The following UNC5D variants were observed in gnomAD, a reference collection of about 807,000 sequenced individuals.
UNC5D encodes netrin receptor UNC5D.
A neutral mutation model predicts 105.4 loss-of-function variants in UNC5D; 39 were observed. That is an observed-to-expected ratio of 0.37 (90% CI 0.29 to 0.48). UNC5D has a LOEUF of 0.48. UNC5D is among the 20% of genes least tolerant of loss of function. UNC5D has a pLI of 0.98. For missense variants in UNC5D, 991 were observed against 1,202.4 expected, an observed-to-expected ratio of 0.82 and a Z score of 2.60; for synonymous variants, 452 against 450.4, an observed-to-expected ratio of 1.00 and a Z score of -0.04.
At chr8:35,783,052 A>G (rs1802577680) in intron 16 of UNC5D, among the ~76,000 whole-genome samples, 1 of 151,948 alleles carries the variant, frequency 6.6e-6, no homozygotes, top group Admixed American at 6.6e-5. Flanking sequence ...CTGAGATGGG[A>G]GGATCACTTG....
chr8:35,330,437 C>T (rs1475054908), intron 1 of UNC5D, among the ~76,000 whole-genome samples: 1 of 152,160 alleles, frequency 6.6e-6, no homozygotes, highest in Non-Finnish European at 1.5e-5. Context: ...CTCTTTTAAT[C>T]ACTGGCTAAT....
intron 1 of UNC5D, among the ~76,000 whole-genome samples, chr8:35,402,116 C>A (rs1804507221): frequency 6.6e-6 from 1 of 152,142 alleles, no homozygotes; most frequent in African/African-American, 2.4e-5. Context: ...GGAGTTTGGT[C>A]TTTTCATGCT....
At chr8:35,341,947 A>G (rs561985770) in intron 1 of UNC5D, among the ~76,000 whole-genome samples, 1 of 152,296 alleles carries the variant, frequency 6.6e-6, no homozygotes, top group African/African-American at 2.4e-5. Context: ...ACAGTAGTCT[A>G]AATGGCATGC....
intron 4 of UNC5D, among the ~76,000 whole-genome samples, chr8:35,661,564 C>T (rs766059369): frequency 4.6e-5 from 7 of 152,222 alleles, no homozygotes; most frequent in Admixed American, 1.3e-4. Context: ...GACTTAATGC[C>T]GGTTTCCTTA....
intron 1 of UNC5D, among the ~76,000 whole-genome samples, chr8:35,524,710 G>C (rs1234385512): frequency 6.6e-6 from 1 of 150,494 alleles, no homozygotes; most frequent in Non-Finnish European, 1.5e-5. Flanking sequence ...AAAGTGAGAC[G>C]TTTGCTGCTC....
At chr8:35,706,075 C>T (rs537969430) in intron 8 of UNC5D, 114 bp downstream of exon 8, 31 of 638,220 alleles carry the variant, frequency 4.9e-5, no homozygotes, top group African/African-American at 2.9e-4. Flanking sequence ...CCAGGGCTTT[C>T]GAGGCCTCTC....
chr8:35,606,532 A>G (rs189441447), intron 4 of UNC5D, among the ~76,000 whole-genome samples: 1 of 152,240 alleles, frequency 6.6e-6, no homozygotes, highest in East Asian at 1.9e-4. Flanking sequence ...TCAGGTGATA[A>G]ACATAGTACC....
At chr8:35,504,898 T>C (rs941061280) in intron 1 of UNC5D, among the ~76,000 whole-genome samples, 7 of 152,192 alleles carry the variant, frequency 4.6e-5, no homozygotes, top group Non-Finnish European at 1.0e-4. Flanking sequence ...AAGTTTCCTC[T>C]GCAGATGAAG....
chr8:35,599,739 G>A (rs1297971684), intron 4 of UNC5D, among the ~76,000 whole-genome samples: 1 of 151,932 alleles, frequency 6.6e-6, no homozygotes, highest in Non-Finnish European at 1.5e-5. Flanking sequence ...TTCCATATAT[G>A]CAAATATAAA....
chr8:35,253,767 G>A (rs1040028680), intron 1 of UNC5D, among the ~76,000 whole-genome samples: 8 of 152,056 alleles, frequency 5.3e-5, no homozygotes, highest in African/African-American at 1.9e-4. Context: ...GGGATTATAG[G>A]TGTGAGCCAC....
intron 1 of UNC5D, among the ~76,000 whole-genome samples, chr8:35,478,643 C>T (rs1810272452): frequency 6.6e-6 from 1 of 152,112 alleles, no homozygotes; most frequent in Admixed American, 6.6e-5. Context: ...GAGAAATCAG[C>T]ATTGAGTCCT....
chr8:35,494,756 TA>T, intron 1 of UNC5D, among the ~76,000 whole-genome samples: 1 of 152,220 alleles, frequency 6.6e-6, no homozygotes, highest in Admixed American at 6.5e-5. Flanking sequence ...CATGAAAATA[TA>T]TTCGTTATAT....
chr8:35,290,723 C>A (rs948570437), intron 1 of UNC5D, among the ~76,000 whole-genome samples: 1 of 151,886 alleles, frequency 6.6e-6, no homozygotes, highest in Admixed American at 6.6e-5. Flanking sequence ...CCAAGGCGGG[C>A]GGATCACCTG....
intron 16 of UNC5D, among the ~76,000 whole-genome samples, chr8:35,780,111 TG>T (rs1802436012): frequency 6.6e-6 from 1 of 152,136 alleles, no homozygotes; most frequent in Non-Finnish European, 1.5e-5. Context: ...AGCAGATAAA[TG>T]ATGTCTTATT....
chr8:35,718,590 C>A (rs1326783260), intron 8 of UNC5D, among the ~76,000 whole-genome samples: 1 of 152,108 alleles, frequency 6.6e-6, no homozygotes, highest in Non-Finnish European at 1.5e-5. Context: ...GAGTTTAAGG[C>A]AGTTAGGGAA....
intron 4 of UNC5D, among the ~76,000 whole-genome samples, chr8:35,609,094 G>A (rs189943657): frequency 6.6e-6 from 1 of 151,912 alleles, no homozygotes; most frequent in East Asian, 1.9e-4. Context: ...TTTAATAATA[G>A]CCATTATGAC....
intron 11 of UNC5D, among the ~76,000 whole-genome samples, 173 bp downstream of exon 11, chr8:35,731,269 T>G (rs1158843127): frequency 6.6e-6 from 1 of 151,692 alleles, no homozygotes; most frequent in African/African-American, 2.4e-5. Flanking sequence ...GGCATGGTGA[T>G]GCATGCCTGT....
At chr8:35,530,826 AT>A (rs1814305183) in intron 1 of UNC5D, among the ~76,000 whole-genome samples, 1 of 145,910 alleles carries the variant, frequency 6.9e-6, no homozygotes, top group Non-Finnish European at 1.5e-5. Flanking sequence ...TTTCTAGTTT[AT>A]TTGCATAGAG....
intron 1 of UNC5D, among the ~76,000 whole-genome samples, chr8:35,423,292 A>G (rs549751355): frequency 6.6e-6 from 1 of 152,280 alleles, no homozygotes; most frequent in South Asian, 2.1e-4. Flanking sequence ...ATCTTCACAG[A>G]TAAGCTCAGG....
Sources: allele counts gnomAD v4.1 joint callset (sites outside exome capture counted in the v4.1 genomes callset), GRCh38; gene constraint gnomAD v4.1.1; transcripts MANE v1.5; gene names NCBI Gene and HGNC (gene_info 2026-07-23, HGNC 2026-07-21).